The following TECR variants were observed in gnomAD, a reference collection of about 807,000 sequenced individuals.
TECR encodes trans-2,3-enoyl-CoA reductase.
A neutral mutation model predicts 50.6 loss-of-function variants in TECR; 19 were observed. The ratio of observed to expected loss-of-function variants is 0.38; its 90% confidence interval spans 0.26 to 0.55. The LOEUF (loss-of-function observed/expected upper bound fraction) is 0.55, where lower values mean the gene tolerates loss of function less well. TECR is among the 20% of genes least tolerant of loss of function. The pLI is 0.79. For synonymous variants in TECR, 168 were observed against 163.5 expected, an observed-to-expected ratio of 1.03 and a Z score of -0.21; for missense variants, 313 against 408.3, an observed-to-expected ratio of 0.77 and a Z score of 2.01.
intron 1 of TECR, among the ~76,000 whole-genome samples, chr19:14,550,205 T>C (rs981360577): frequency 6.6e-6 from 1 of 152,038 alleles, no homozygotes; most frequent in Non-Finnish European, 1.5e-5. Context: ...TCAGTTTCCT[T>C]ACCTGCAAAA....
At chr19:14,535,205 TCCACTAAAAATA>T (rs1400890306) in intron 1 of TECR, among the ~76,000 whole-genome samples, 1 of 150,776 alleles carries the variant, frequency 6.6e-6, no homozygotes, top group Non-Finnish European at 1.5e-5. Flanking sequence ...AAACCCCCTC[TCCACTAAAAATA>T]TAAAAATTGG....
chr19:14,529,826 G>A (rs748194576), intron 1 of TECR, 115 bp downstream of exon 1: 20 of 1,477,366 alleles, frequency 1.4e-5, no homozygotes, highest in Non-Finnish European at 1.8e-5. Flanking sequence ...GAGCCAGACG[G>A]CGCAGGCGCA....
chr19:14,541,027 T>C (rs915029993), intron 1 of TECR, among the ~76,000 whole-genome samples: 5 of 152,174 alleles, frequency 3.3e-5, no homozygotes, highest in Non-Finnish European at 5.9e-5. Context: ...GGTTTCACCA[T>C]GTGGGCCAGG....
At chr19:14,537,808 G>A (rs972204807) in intron 1 of TECR, among the ~76,000 whole-genome samples, 2 of 150,310 alleles carry the variant, frequency 1.3e-5, no homozygotes, top group Non-Finnish European at 2.9e-5. Context: ...GTGCAATGGC[G>A]TGATCTCGGC....
intron 1 of TECR, among the ~76,000 whole-genome samples, chr19:14,556,413 A>AAAAAACAAAAAC (rs71166757): frequency 0.32 from 27,422 of 86,450 alleles, 3,394 homozygotes; most frequent in African/African-American, 0.43. Context: ...TCTCTCAAAA[A>AAAAAACAAAAAC]AAAAACAAAA....
chr19:14,563,738 C>A lies in TECR; in HGVS notation c.163+36C>A. 1 of 1,613,026 alleles carries A rather than the reference C, an allele frequency of 6.2e-7. No individual in the cohort carries two copies. The highest frequency in any genetic ancestry group is 2.2e-5 in the East Asian group (1 of 44,870). ...CTGTCCACTCGGCCCGCCCCCTGGGCTCCTGGGTGGCAGTGGGAGAAGGCC... is the reference window on the plus strand; with the variant it reads ...CTGTCCACTCGGCCCGCCCCCTGGGATCCTGGGTGGCAGTGGGAGAAGGCC... On this transcript the variant is annotated intron_variant, in intron 4 of 12. Coordinates refer to ENST00000215567, the MANE Select transcript of TECR (RefSeq NM_138501.6). This position sits in a 1 kb window ranked among gnomAD's most constrained non-coding sequence, Gnocchi z 5.3.
In TECR at chr19:14,563,852, C is replaced by T. The variant is rs751283864; in HGVS notation, c.216C>T (p.Thr72=). ...EDVLQKLPVG[T]TATLYFRDLG... is the part of the protein sequence containing the mutation. Reference sequence around the variant, plus strand: ...TTCTGCAGAAGCTGCCCGTGGGCACCACGGCCACACTGTACTTCCGGGACC... The same window carrying T: ...TTCTGCAGAAGCTGCCCGTGGGCACTACGGCCACACTGTACTTCCGGGACC... The change falls in exon 5 of 13, where the codon ACC becomes ACT. Residue 72 remains threonine (T), a synonymous_variant. Coordinates refer to ENST00000215567, the MANE Select transcript of TECR (RefSeq NM_138501.6). This position sits in a 1 kb window ranked among gnomAD's most constrained non-coding sequence, Gnocchi z 5.3. 6.2e-7 allele frequency: 1 copy of T among 1,614,010 alleles called. No homozygotes were observed. The highest frequency in any genetic ancestry group is 1.1e-5 in the South Asian group (1 of 91,088).
chr19:14,565,139 G>A lies in TECR; in HGVS notation c.664+16G>A. 1 of 1,613,756 alleles carries A rather than the reference G, an allele frequency of 6.2e-7. No individual in the cohort carries two copies. Among genetic ancestry groups the A allele is most frequent in the Non-Finnish European group, 8.5e-7 (1 of 1,180,020 alleles). ...CGGCCCGCTGGTGAGTGCCTGCTGG[G>A]GGCAGGGGGACAGCTGGGCTGGGTG... On this transcript the variant is annotated intron_variant, in intron 10 of 12. Coordinates refer to ENST00000215567, the MANE Select transcript of TECR (RefSeq NM_138501.6).
chr19:14,548,374 C>T (rs541144651), intron 1 of TECR, among the ~76,000 whole-genome samples: 1 of 152,094 alleles, frequency 6.6e-6, no homozygotes, highest in African/African-American at 2.4e-5. Flanking sequence ...TACCCAGGCC[C>T]TAAGCTGTTT....
rs1568433026 is a variant in TECR at position 14,565,116 on chromosome 19, G to T, written c.657G>T (p.Arg219=). The T allele has an allele frequency of 6.2e-7, 1 of 1,613,786 alleles. No individual in the cohort carries two copies. Among genetic ancestry groups the T allele is most frequent in the Non-Finnish European group, 8.5e-7 (1 of 1,180,036 alleles). Residue 219 remains arginine (R), a synonymous_variant, in exon 10 of 13, where the codon CGG becomes CGT. Coordinates refer to ENST00000215567, the MANE Select transcript of TECR (RefSeq NM_138501.6). Reference sequence around the variant, plus strand: ...TCCACATGGCCCTGCGGGACCTGCGGCCCGCTGGTGAGTGCCTGCTGGGGG... The same window carrying T: ...TCCACATGGCCCTGCGGGACCTGCGTCCCGCTGGTGAGTGCCTGCTGGGGG... ...FSIHMALRDL[R]PAGSKTRKIP...
chr19:14,530,596 G>A (rs2072603867), intron 1 of TECR: 1 of 152,126 alleles, frequency 6.6e-6, no homozygotes, highest in Non-Finnish European at 1.5e-5. Context: ...GATGAATAAA[G>A]TCTCAGAGAT....
At chr19:14,547,201 A>G (rs964038017) in intron 1 of TECR, among the ~76,000 whole-genome samples, 3 of 152,206 alleles carry the variant, frequency 2.0e-5, no homozygotes, top group Non-Finnish European at 4.4e-5. Context: ...TGAAGCATTT[A>G]GACTCTAGAT....
At chr19:14,556,504 A>C (rs540754427) in intron 1 of TECR, among the ~76,000 whole-genome samples, 8 of 151,926 alleles carry the variant, frequency 5.3e-5, no homozygotes, top group Admixed American at 2.0e-4. Context: ...TGCTATGGCT[A>C]TCTGCCCCCA....
chr19:14,547,546 G>A (rs751618524), intron 1 of TECR, among the ~76,000 whole-genome samples: 10 of 152,054 alleles, frequency 6.6e-5, no homozygotes, highest in Non-Finnish European at 1.0e-4. Context: ...ATTTTCAGTC[G>A]AGATGAGTTT....
rs2074037213 is a variant in TECR at position 14,565,142 on chromosome 19, C to T, written c.664+19C>T. 6.2e-7 allele frequency: 1 copy of T among 1,613,658 alleles called. No homozygotes were observed. Among genetic ancestry groups the T allele is most frequent in the South Asian group, 1.1e-5 (1 of 91,088 alleles). ...CCCGCTGGTGAGTGCCTGCTGGGGGCAGGGGGACAGCTGGGCTGGGTGAGG... is the reference window on the plus strand; with the variant it reads ...CCCGCTGGTGAGTGCCTGCTGGGGGTAGGGGGACAGCTGGGCTGGGTGAGG... On this transcript the variant is annotated intron_variant, in intron 10 of 12. Transcript: ENST00000215567.
At chr19:14,556,391 C>T (rs116975974) in intron 1 of TECR, among the ~76,000 whole-genome samples, 3,154 of 144,786 alleles carry the variant, frequency 0.022, 49 homozygotes, top group Non-Finnish European at 0.025. Context: ...CCAGCCTGGG[C>T]GACAGCGAGA....
intron 1 of TECR, among the ~76,000 whole-genome samples, chr19:14,558,392 C>G (rs1415460961): frequency 6.6e-6 from 1 of 152,186 alleles, no homozygotes; most frequent in Non-Finnish European, 1.5e-5. Context: ...TTGGGAGGCA[C>G]AAACCTCGCC....
At chr19:14,564,916 C>G in intron 8 of TECR, 33 bp from the exon 9 acceptor site, 2 of 1,614,086 alleles carry the variant, frequency 1.2e-6, no homozygotes, top group Non-Finnish European at 8.5e-7. Flanking sequence ...CGGGTCCTCC[C>G]CTCATGGGCT....
chr19:14,563,410 C>A lies in TECR; in HGVS notation c.118+153C>A. On this transcript the variant is annotated intron_variant, in intron 3 of 12. Transcript: ENST00000215567. The surrounding 1 kb of genome is among the most constrained non-coding windows in gnomAD (Gnocchi z 5.3). ...TGGGGCGTGACTGGGGCAGGCGCCT[C>A]CACGTGGCACTCCGCAGGAACGCCC... 1.2e-6 allele frequency: 1 copy of A among 854,718 alleles called. No homozygotes were observed. Among genetic ancestry groups the A allele is most frequent in the Non-Finnish European group, 1.9e-6 (1 of 525,572 alleles). The allele number at this position is 854,718 out of a possible 1,614,324, so 52.9% of individuals were successfully genotyped here.
Sources: allele counts gnomAD v4.1 joint callset (sites outside exome capture counted in the v4.1 genomes callset), GRCh38; gene constraint gnomAD v4.1.1; non-coding constraint Gnocchi (gnomAD v3.1); transcripts MANE v1.5; gene names NCBI Gene and HGNC (gene_info 2026-07-23, HGNC 2026-07-21).